Variants in NRG1 observed in about 807,000 individuals in gnomAD.
NRG1 encodes the protein neuregulin 1.
A neutral mutation model predicts 63.8 loss-of-function variants in NRG1; 18 were observed. The observed-to-expected ratio is 0.28, with a 90% confidence interval of 0.19 to 0.42. The LOEUF (loss-of-function observed/expected upper bound fraction) is 0.42. Ranked by LOEUF, NRG1 falls within the 10% of genes least tolerant of loss-of-function variation. The pLI is 1.00. For missense variants in NRG1, 762 were observed against 814.7 expected (o/e 0.94, Z 0.79); for synonymous variants, 302 against 301.3 (o/e 1.00, Z -0.02).
chr8:32,605,919 T>C (rs1380551431), intron 3 of NRG1, among the ~76,000 whole-genome samples: 1 of 151,994 alleles, frequency 6.6e-6, no homozygotes, highest in African/African-American at 2.4e-5. Flanking sequence ...AATAAGGCCA[T>C]GAATGGCAGA....
chr8:31,800,730 A>G (rs1012322572), intron 1 of NRG1, among the ~76,000 whole-genome samples: 1 of 152,112 alleles, frequency 6.6e-6, no homozygotes, highest in Non-Finnish European at 1.5e-5. Context: ...GAAAGTTTGG[A>G]AAAATGAGGA....
At chr8:32,513,998 T>G (rs1375492642) in intron 1 of NRG1, among the ~76,000 whole-genome samples, 1 of 152,152 alleles carries the variant, frequency 6.6e-6, no homozygotes, top group Non-Finnish European at 1.5e-5. Flanking sequence ...TTGTACTGAT[T>G]AGCAATACTA....
intron 5 of NRG1, among the ~76,000 whole-genome samples, chr8:32,661,710 T>C (rs2128875598): frequency 6.6e-6 from 1 of 152,248 alleles, no homozygotes; most frequent in Non-Finnish European, 1.5e-5. Context: ...TCTGTTGTTC[T>C]ATATTCTTTA....
chr8:32,335,777 C>T (rs1053333914), intron 1 of NRG1, among the ~76,000 whole-genome samples: 2 of 152,098 alleles, frequency 1.3e-5, no homozygotes, highest in Admixed American at 6.6e-5. Flanking sequence ...CTCTCAAACA[C>T]GTTTGAAAGA....
chr8:32,596,473 C>T (rs547861231), intron 2 of NRG1, among the ~76,000 whole-genome samples: 12 of 151,788 alleles, frequency 7.9e-5, no homozygotes, highest in South Asian at 6.3e-4. Flanking sequence ...GAGTGGTGGG[C>T]GCCTGTAATC....
chr8:32,432,140 T>G (rs998377205), intron 1 of NRG1, among the ~76,000 whole-genome samples: 10 of 152,064 alleles, frequency 6.6e-5, no homozygotes, highest in East Asian at 1.9e-4. Flanking sequence ...AGGAGTGAGA[T>G]CCTTGAAATA....
At chr8:32,290,299 C>T (rs1854038530) in intron 1 of NRG1, among the ~76,000 whole-genome samples, 1 of 151,802 alleles carries the variant, frequency 6.6e-6, no homozygotes, top group African/African-American at 2.4e-5. Flanking sequence ...CTATGGGTTT[C>T]ATTTCATACA....
intron 1 of NRG1, among the ~76,000 whole-genome samples, chr8:31,904,992 C>A (rs539318985): frequency 6.6e-6 from 1 of 151,772 alleles, no homozygotes; most frequent in Non-Finnish European, 1.5e-5. Flanking sequence ...TATAACAAAC[C>A]TGCACATGTA....
At chr8:31,669,901 A>G (rs780547313) in intron 1 of NRG1, among the ~76,000 whole-genome samples, 3 of 152,068 alleles carry the variant, frequency 2.0e-5, no homozygotes, top group Non-Finnish European at 4.4e-5. Flanking sequence ...GGAATTTTCC[A>G]CTTGTGGTGT....
chr8:31,790,385 C>T lies in NRG1; in HGVS notation c.37+150954C>T, dbSNP rs74504884. On this transcript the variant is annotated intron_variant, in intron 1 of 10. Coordinates refer to the NRG1 transcript ENST00000519301. ...ACTGGCTTGTTAGATTTGGGCTCAC[C>T]GTTTGGCAATCCATCTCTAAACCCT... Among the ~76,000 whole-genome samples the T allele has an allele frequency of 4.6e-3, 700 of 152,108 alleles. 12 individuals are homozygous for T. Among genetic ancestry groups the T allele is most frequent in the African/African-American group, 0.016 (674 of 41,486 alleles).
At chr8:32,463,533 G>T (rs551940109) in intron 1 of NRG1, among the ~76,000 whole-genome samples, 1 of 152,196 alleles carries the variant, frequency 6.6e-6, no homozygotes, top group African/African-American at 2.4e-5. Context: ...TTATGAATGG[G>T]AAAAATTATA....
chr8:32,571,066 T>C (rs1340267646), intron 1 of NRG1, among the ~76,000 whole-genome samples: 2 of 152,172 alleles, frequency 1.3e-5, no homozygotes, highest in African/African-American at 4.8e-5. Context: ...GAAAAGCCTA[T>C]GGTGGGAAAG....
At chr8:32,573,877 C>T (rs543958887) in intron 1 of NRG1, among the ~76,000 whole-genome samples, 2 of 152,132 alleles carry the variant, frequency 1.3e-5, no homozygotes, top group East Asian at 3.9e-4. Context: ...TGTTCAATTC[C>T]CACCTATGAG....
chr8:31,725,603 T>C (rs1813354449), intron 1 of NRG1, among the ~76,000 whole-genome samples: 1 of 152,150 alleles, frequency 6.6e-6, no homozygotes, highest in South Asian at 2.1e-4. Flanking sequence ...TTTTGCTAGT[T>C]TTATTCCAGA....
At chr8:31,682,762 A>C (rs1005113976) in intron 1 of NRG1, among the ~76,000 whole-genome samples, 4 of 152,164 alleles carry the variant, frequency 2.6e-5, no homozygotes, top group Non-Finnish European at 5.9e-5. Context: ...ATATGGAATA[A>C]AAAAATGCAG....
chr8:32,204,981 A>G (rs1453500287), intron 1 of NRG1, among the ~76,000 whole-genome samples: 1 of 152,238 alleles, frequency 6.6e-6, no homozygotes, highest in Non-Finnish European at 1.5e-5. Context: ...ATAACAAATT[A>G]AGTAACTAAT....
At chr8:32,752,418 A>G (rs1371324376) in intron 7 of NRG1, among the ~76,000 whole-genome samples, 1 of 152,172 alleles carries the variant, frequency 6.6e-6, no homozygotes, top group Non-Finnish European at 1.5e-5. Context: ...TTTGCTGCAC[A>G]CAAAATCCGT....
chr8:32,353,418 T>C (rs748665285), intron 1 of NRG1, among the ~76,000 whole-genome samples: 1 of 151,796 alleles, frequency 6.6e-6, no homozygotes, highest in Non-Finnish European at 1.5e-5. Context: ...AATTTTATAG[T>C]TGTAATATTT....
chr8:31,807,006 T>A (rs560242864), intron 1 of NRG1, among the ~76,000 whole-genome samples: 3 of 152,330 alleles, frequency 2.0e-5, no homozygotes, highest in East Asian at 1.9e-4. Flanking sequence ...TTGGGTCGTA[T>A]CTCCAAGGAA....
Sources: gnomAD v4.1 joint callset for allele counts (sites outside exome capture counted in the v4.1 genomes callset) on GRCh38, gnomAD v4.1.1 for gene constraint, MANE v1.5 for transcripts, NCBI Gene and HGNC (gene_info 2026-07-23, HGNC 2026-07-21) for gene names.